The following EYS variants were observed in gnomAD, a reference collection of about 807,000 sequenced individuals.
EYS encodes the protein protein eyes shut homolog.
Under a neutral mutation model 282.1 loss-of-function variants are expected in EYS, and 250 were observed. The ratio of observed to expected loss-of-function variants is 0.89; its 90% CI spans 0.80 to 0.98. EYS has a LOEUF of 0.98. Among genes scored for constraint, EYS ranks in the 50% least tolerant of loss-of-function variants. The probability of loss-of-function intolerance (pLI) is 0.00; values close to 1 mark genes in which losing one functional copy is unlikely to be tolerated. For synonymous variants in EYS, 1,355 were observed against 1,282.9 expected (o/e 1.06, Z -1.20); for missense variants, 4,016 against 3,709.0 (o/e 1.08, Z -2.15).
At chr6:64,087,912 A>G (rs933305073) in intron 31 of EYS, among the ~76,000 whole-genome samples, 3 of 152,104 alleles carry the variant, frequency 2.0e-5, no homozygotes, top group Non-Finnish European at 4.4e-5. Flanking sequence ...AATATAATTC[A>G]ATTTGCTAAA....
intron 28 of EYS, among the ~76,000 whole-genome samples, chr6:64,411,999 T>C (rs1773916355): frequency 6.6e-6 from 1 of 151,416 alleles, no homozygotes; most frequent in Admixed American, 6.6e-5. Context: ...AAATGTGTAT[T>C]AGTAAAATCT....
intron 11 of EYS, among the ~76,000 whole-genome samples, chr6:65,307,739 A>T (rs1769050716): frequency 7.2e-6 from 1 of 138,342 alleles, no homozygotes; most frequent in Non-Finnish European, 1.6e-5. Flanking sequence ...CTCTTCCTTT[A>T]AATTGTGGGA....
At chr6:65,398,419 A>G (rs1428939158) in intron 7 of EYS, among the ~76,000 whole-genome samples, 1 of 152,046 alleles carries the variant, frequency 6.6e-6, no homozygotes, top group Non-Finnish European at 1.5e-5. Flanking sequence ...ATAAAGAATT[A>G]TATGCAGAAG....
chr6:64,260,942 T>C (rs1767566335), intron 30 of EYS, among the ~76,000 whole-genome samples: 1 of 152,058 alleles, frequency 6.6e-6, no homozygotes, highest in Admixed American at 6.6e-5. Context: ...ACATGTGATG[T>C]TTTTATACAA....
intron 26 of EYS, among the ~76,000 whole-genome samples, chr6:64,580,669 G>T (rs897305225): frequency 6.6e-6 from 1 of 152,108 alleles, no homozygotes; most frequent in East Asian, 1.9e-4. Flanking sequence ...TTTTAAAATA[G>T]AGGAAAGAAA....
intron 33 of EYS, among the ~76,000 whole-genome samples, chr6:64,014,779 ATTTTTTT>A (rs57255670): frequency 6.9e-6 from 1 of 144,276 alleles, no homozygotes; most frequent in Non-Finnish European, 1.5e-5. Flanking sequence ...GTCTTTTTTT[ATTTTTTT>A]TTTTTTTGGT....
intron 22 of EYS, among the ~76,000 whole-genome samples, chr6:64,649,592 C>T (rs1768484769): frequency 6.6e-6 from 1 of 152,106 alleles, no homozygotes; most frequent in South Asian, 2.1e-4. Context: ...CCTGCCTCAG[C>T]CTCCCAAAGT....
intron 35 of EYS, among the ~76,000 whole-genome samples, chr6:63,983,466 G>A (rs1171700636): frequency 6.6e-6 from 1 of 151,262 alleles, no homozygotes; most frequent in Non-Finnish European, 1.5e-5. Flanking sequence ...CTATTCTAGT[G>A]ATCACTATCA....
chr6:64,401,784 A>G (rs1773544421), intron 28 of EYS, among the ~76,000 whole-genome samples: 1 of 152,156 alleles, frequency 6.6e-6, no homozygotes, highest in South Asian at 2.1e-4. Context: ...TAATTTCCAC[A>G]GGTGACATGG....
intron 13 of EYS, among the ~76,000 whole-genome samples, chr6:65,025,015 A>G (rs186967720): frequency 1.3e-5 from 2 of 152,168 alleles, no homozygotes; most frequent in East Asian, 3.9e-4. Flanking sequence ...ATATAATGAA[A>G]CTCTTCTTAT....
intron 41 of EYS, among the ~76,000 whole-genome samples, chr6:63,729,731 TC>T (rs375095201): frequency 6.8e-4 from 103 of 152,260 alleles, no homozygotes; most frequent in Middle Eastern, 3.4e-3. Context: ...TCAGTTGTAT[TC>T]CATTTCTCCT....
intron 28 of EYS, among the ~76,000 whole-genome samples, chr6:64,427,849 T>C (rs1774456505): frequency 6.6e-6 from 1 of 152,106 alleles, no homozygotes; most frequent in Non-Finnish European, 1.5e-5. Flanking sequence ...CTGAAAGGAA[T>C]TTGATAGTAT....
intron 22 of EYS, among the ~76,000 whole-genome samples, chr6:64,744,850 A>G (rs567826464): frequency 5.3e-5 from 8 of 152,290 alleles, no homozygotes; most frequent in Admixed American, 4.6e-4. Flanking sequence ...AAAATTGCAC[A>G]CTAAAAGCTC....
At chr6:65,444,549 A>C (rs948427118) in intron 5 of EYS, among the ~76,000 whole-genome samples, 6 of 152,128 alleles carry the variant, frequency 3.9e-5, no homozygotes, top group South Asian at 2.1e-4. Flanking sequence ...GGCACCTATA[A>C]ACTATGTGAC....
chr6:65,340,567 T>G (rs764794160), intron 10 of EYS, among the ~76,000 whole-genome samples: 22 of 151,038 alleles, frequency 1.5e-4, no homozygotes, highest in Admixed American at 4.6e-4. Context: ...AGTTTGCACA[T>G]AAAGACTCAC....
chr6:65,595,433 C>T (rs201918218), intron 2 of EYS, among the ~76,000 whole-genome samples: 2 of 151,440 alleles, frequency 1.3e-5, no homozygotes, highest in South Asian at 2.1e-4. Context: ...CAAACCTGCA[C>T]GTTGTGCACA....
intron 14 of EYS, among the ~76,000 whole-genome samples, chr6:64,988,146 A>G (rs1183291613): frequency 6.6e-6 from 1 of 151,304 alleles, no homozygotes; most frequent in Non-Finnish European, 1.5e-5. Context: ...AAAAAAGACC[A>G]GCAACTTAAA....
intron 36 of EYS, among the ~76,000 whole-genome samples, chr6:63,838,185 G>A (rs556523818): frequency 2.6e-5 from 4 of 151,588 alleles, no homozygotes; most frequent in Admixed American, 2.6e-4. Flanking sequence ...AATGAGTCTG[G>A]TGGTGATACT....
rs560306389 is a variant in EYS at position 64,790,288 on chromosome 6, C to T, written c.3443+23090G>A. 1.4e-4 allele frequency among the ~76,000 whole-genome samples: 22 copies of T among 151,922 alleles called. No homozygotes were observed. In the South Asian group the frequency reaches 4.6e-3, roughly 32 times the overall value. On this transcript the variant is annotated intron_variant, in intron 22 of 42. Transcript: ENST00000503581. ...TGGATCTATGAATACCAAACATCAG[C>T]GGCATGCAATTTACCCATGTCATAA...
Sources: gnomAD v4.1 joint callset for allele counts (sites outside exome capture counted in the v4.1 genomes callset) on GRCh38, gnomAD v4.1.1 for gene constraint, MANE v1.5 for transcripts, NCBI Gene and HGNC (gene_info 2026-07-23, HGNC 2026-07-21) for gene names.